CADPS2: variants seen among roughly 807,000 people sequenced by gnomAD.
The protein encoded by CADPS2 is calcium dependent secretion activator 2, also known as calcium-dependent secretion activator 2.
A neutral mutation model predicts 172.5 loss-of-function variants in CADPS2; 93 were observed. That is an observed-to-expected ratio of 0.54 (90% confidence interval 0.46 to 0.64). CADPS2 has a LOEUF of 0.64. Ranked by LOEUF, CADPS2 falls within the 30% of genes least tolerant of loss-of-function variation. The pLI is 0.00. For synonymous variants in CADPS2, 546 were observed against 555.2 expected (o/e 0.98, Z 0.23); for missense variants, 1,420 against 1,565.9 (o/e 0.91, Z 1.57).
In CADPS2 at chr7:122,364,189, T is replaced by C. The variant is rs557579566; in HGVS notation, c.3388-3176A>G. 7.3e-5 allele frequency among the ~76,000 whole-genome samples: 11 copies of C among 151,484 alleles called. No individual in the cohort carries two copies. In the East Asian group the frequency reaches 1.8e-3, roughly 24 times the overall value. ...ACTTTGGGAAGCCAAGGCAGGAGTA[T>C]TGCTTGAGTCTAGGAGTTCAAGACC... On this transcript the variant is annotated intron_variant, in intron 25 of 29. Transcript: ENST00000449022.
rs548836397 is a variant in CADPS2, at chr7:122,474,585, G to A, written c.1862-68C>T. 12 of 1,474,790 alleles carry A rather than the reference G, an allele frequency of 8.1e-6. No homozygotes were observed. In the South Asian group the frequency reaches 1.2e-4, roughly 15 times the overall value. The allele number at this position is 1,474,790 out of a possible 1,614,324, so 91.4% of individuals were successfully genotyped here. A position where few individuals can be genotyped will look rare whatever the true frequency, so the allele number is the denominator to read the frequency against. On this transcript the variant is annotated intron_variant, in intron 12 of 29. Transcript: ENST00000449022. ...GCTTAATGATGGACATACAAGTTGT[G>A]AAGAATACAAAATGCGTGACTCAAG...
chr7:122,444,324 C>T (rs1388385136), intron 15 of CADPS2, among the ~76,000 whole-genome samples: 1 of 152,078 alleles, frequency 6.6e-6, no homozygotes, highest in East Asian at 1.9e-4. Context: ...GGGAAAATAC[C>T]TAGGAATGGA....
intron 2 of CADPS2, among the ~76,000 whole-genome samples, chr7:122,690,284 C>T (rs767117935): frequency 6.6e-6 from 1 of 152,190 alleles, no homozygotes; most frequent in Non-Finnish European, 1.5e-5. Context: ...TGATGCTACA[C>T]CTCATCAGCT....
chr7:122,654,536 A>C (rs540774414), intron 3 of CADPS2, among the ~76,000 whole-genome samples: 38 of 152,350 alleles, frequency 2.5e-4, no homozygotes, highest in African/African-American at 8.4e-4. Context: ...CCATAAATGG[A>C]ACAACAAAGC....
At chr7:122,434,211 AT>A (rs2050348808) in intron 17 of CADPS2, among the ~76,000 whole-genome samples, 1 of 151,972 alleles carries the variant, frequency 6.6e-6, no homozygotes, top group Non-Finnish European at 1.5e-5. Context: ...TCAGTCCCAT[AT>A]TTTTTTCTAA....
intron 1 of CADPS2, among the ~76,000 whole-genome samples, chr7:122,825,015 T>C (rs2140449068): frequency 6.6e-6 from 1 of 152,230 alleles, no homozygotes; most frequent in Non-Finnish European, 1.5e-5. Context: ...AGAGACATTA[T>C]CCAATAGCCA....
At chr7:122,578,819 T>C (rs1026128833) in intron 7 of CADPS2, among the ~76,000 whole-genome samples, 3 of 152,054 alleles carry the variant, frequency 2.0e-5, no homozygotes, top group Non-Finnish European at 2.9e-5. Context: ...TTATGTGAAA[T>C]GATGGTGCTT....
chr7:122,424,319 T>C (rs1405306590), intron 17 of CADPS2: 2 of 984,238 alleles, frequency 2.0e-6, no homozygotes, highest in Non-Finnish European at 2.4e-6. Context: ...TCACATTAAC[T>C]ACTTTACCTA....
At chr7:122,496,556 C>A (rs932545451) in intron 9 of CADPS2, among the ~76,000 whole-genome samples, 3 of 152,130 alleles carry the variant, frequency 2.0e-5, no homozygotes, top group African/African-American at 7.2e-5. Context: ...ATATTAGCCT[C>A]ATCTCACAAG....
Position 122,581,293 on chromosome 7 carries a change from G to C in CADPS2, c.1224-3C>G. The stretch of plus-strand genomic sequence containing the variant: ...TGAAATCTCCTTGAGTCCCCCATCT[G>C]TAATGAAGTAAAAAAAATGTTTCTT... On this transcript the variant is annotated splice_polypyrimidine_tract_variant and splice_region_variant and intron_variant, in intron 6 of 29. Coordinates refer to ENST00000449022, the MANE Select transcript of CADPS2 (RefSeq NM_017954.11). 1 of 1,606,966 alleles carries C rather than the reference G, an allele frequency of 6.2e-7. No homozygotes were observed.
At chr7:122,575,059 T>C (rs891299061) in intron 7 of CADPS2, among the ~76,000 whole-genome samples, 3 of 152,068 alleles carry the variant, frequency 2.0e-5, no homozygotes, top group Non-Finnish European at 2.9e-5. Flanking sequence ...GATGTTTACC[T>C]AAAACCAGTC....
intron 1 of CADPS2, among the ~76,000 whole-genome samples, chr7:122,797,016 A>T (rs2139828823): frequency 6.6e-6 from 1 of 152,318 alleles, no homozygotes; most frequent in South Asian, 2.1e-4. Flanking sequence ...TTTACAAGAA[A>T]AAAAAACATT....
intron 1 of CADPS2, among the ~76,000 whole-genome samples, chr7:122,796,251 G>A (rs1002258658): frequency 3.3e-5 from 5 of 152,146 alleles, no homozygotes; most frequent in African/African-American, 7.2e-5. Flanking sequence ...TCATGGATAG[G>A]AAGACTCAAT....
intron 1 of CADPS2, among the ~76,000 whole-genome samples, chr7:122,805,119 A>T (rs1798508057): frequency 6.6e-6 from 1 of 152,164 alleles, no homozygotes; most frequent in Non-Finnish European, 1.5e-5. Context: ...AACCCCCAGC[A>T]AGGTACCCTG....
In CADPS2 at chr7:122,490,249, C is replaced by T. The variant is rs2058165499; in HGVS notation, c.1684G>A (p.Val562Ile). Residue 562 changes from valine (V) to isoleucine (I), a missense_variant, in exon 11 of 30, where the codon GTT becomes ATT. Coordinates refer to ENST00000449022, the MANE Select transcript of CADPS2 (RefSeq NM_017954.11). ...LQGGCMFFNA[V>I]KEGDTVIFAS... ...AAGATTACAGTATCTCCTTCTTTAA[C>T]AGCATTAAAGAACATACAACCACCC... The T allele has an allele frequency of 1.9e-6, 3 of 1,612,978 alleles. No individual in the cohort carries two copies. The African/African-American group carries it at 4.0e-5, about 22-fold the overall frequency.
chr7:122,681,255 G>A lies in CADPS2; in HGVS notation c.454-17686C>T. On this transcript the variant is annotated intron_variant, in intron 2 of 29. Coordinates refer to ENST00000449022, the MANE Select transcript of CADPS2 (RefSeq NM_017954.11). ...TAATGAACCTGCACAATGTGCACAT[G>A]TACCCTAAAACTTAAAGTATAATAA... is the stretch of plus-strand genomic sequence containing the variant. 3 of 762,960 alleles carry A rather than the reference G, an allele frequency of 3.9e-6. No homozygotes were observed. In the South Asian group the frequency reaches 4.2e-5, roughly 11 times the overall value. The allele number at this position is 762,960 out of a possible 1,614,324, so 47.3% of individuals were successfully genotyped here.
intron 3 of CADPS2, among the ~76,000 whole-genome samples, chr7:122,645,662 T>G (rs1304729907): frequency 5.0e-5 from 2 of 40,188 alleles, no homozygotes; most frequent in African/African-American, 1.1e-4. Context: ...CTCTAAGATA[T>G]ATATATATAT....
intron 3 of CADPS2, among the ~76,000 whole-genome samples, chr7:122,651,138 T>C (rs2079107333): frequency 6.6e-6 from 1 of 152,140 alleles, no homozygotes; most frequent in Non-Finnish European, 1.5e-5. Context: ...GAAGTCATTT[T>C]TGAAAGTCAT....
At chr7:122,419,085 G>C (rs1393382168) in intron 17 of CADPS2, among the ~76,000 whole-genome samples, 1 of 152,124 alleles carries the variant, frequency 6.6e-6, no homozygotes, top group African/African-American at 2.4e-5. Flanking sequence ...AACTGTACTA[G>C]ATCAAAGTCA....
Sources: gnomAD v4.1 joint callset for allele counts (sites outside exome capture counted in the v4.1 genomes callset) on GRCh38, gnomAD v4.1.1 for gene constraint, MANE v1.5 for transcripts, NCBI Gene and HGNC (gene_info 2026-07-23, HGNC 2026-07-21) for gene names.